GPR143: variants seen among roughly 807,000 people sequenced by gnomAD.
GPR143 encodes G protein-coupled receptor 143.
Under a neutral mutation model 27.6 loss-of-function variants are expected in GPR143, and 8 were observed. The observed-to-expected ratio is 0.29, with a 90% CI of 0.17 to 0.52. The LOEUF is 0.52. Among genes scored for constraint, GPR143 ranks in the 20% least tolerant of loss-of-function variants. The probability of loss-of-function intolerance (pLI) is 0.96; values close to 1 mark genes in which losing one functional copy is unlikely to be tolerated. For synonymous variants in GPR143, 156 were observed against 153.2 expected (o/e 1.02, Z -0.13); for missense variants, 303 against 343.1 (o/e 0.88, Z 0.92).
intron 7 of GPR143, chrX:9,741,018 C>G (rs1044511827): frequency 1.1e-5 from 3 of 271,725 alleles, no homozygotes; most frequent in African/African-American, 8.6e-5. Flanking sequence ...CTATTTTGCT[C>G]ATCCTGTATT....
chrX:9,735,984 G>A (rs1165014334), intron 8 of GPR143, among the ~76,000 whole-genome samples: 1 of 111,707 alleles, frequency 9.0e-6, no homozygotes, highest in Non-Finnish European at 1.9e-5. Flanking sequence ...CCTCTACTTA[G>A]TGAGGGGCTG....
Position 9,728,791 on chromosome X carries a change from C to A in GPR143, c.1121-2951G>T, listed in dbSNP as rs183059005. On this transcript the variant is annotated intron_variant, in intron 8 of 8. Transcript: ENST00000467482. The stretch of plus-strand genomic sequence containing the variant: ...TCATGCCACTGCACTCCAGCCTGGG[C>A]AACAGAGTGAGATCCCACCTCAAAA... Among the ~76,000 whole-genome samples the A allele has an allele frequency of 1.6e-4, 17 of 105,719 alleles. 1 individual carries two copies. The Middle Eastern group carries it at 0.029, about 183-fold the overall frequency. 91.8% of individuals were successfully genotyped at this position (105,719 alleles called of 115,157 possible).
intron 5 of GPR143, 43 bp downstream of exon 5, chrX:9,746,001 G>A (rs777618129): frequency 7.5e-6 from 6 of 802,517 alleles, no homozygotes; most frequent in East Asian, 3.1e-5. Context: ...GCATGGGGCC[G>A]CTCCCAGTGG....
At chrX:9,751,746 C>T (rs1194952474) in intron 3 of GPR143, among the ~76,000 whole-genome samples, 1 of 112,466 alleles carries the variant, frequency 8.9e-6, no homozygotes, top group African/African-American at 3.2e-5. Flanking sequence ...GAACTGCACA[C>T]GTTTAAAGGG....
chrX:9,748,747 C>G (rs9723426), intron 3 of GPR143, 81 bp from the exon 4 acceptor site: 2 of 642,894 alleles, frequency 3.1e-6, no homozygotes, highest in Non-Finnish European at 2.6e-6. Flanking sequence ...CTCCTGCGCT[C>G]TGGAAAGGTC....
chrX:9,778,497 A>C (rs1342009886), intron 1 of GPR143, among the ~76,000 whole-genome samples: 1 of 110,378 alleles, frequency 9.1e-6, no homozygotes, highest in Non-Finnish European at 1.9e-5. Flanking sequence ...GGAAGGAGAA[A>C]AAAGAGAGAG....
Position 9,748,560 on chromosome X carries a change from G to A in GPR143, c.548+14C>T, listed in dbSNP as rs748356068. ...AAGGATGGGGCTGCCTGGGGCGCTG[G>A]AGTCCCAACTTACCTGGACACGGAA... On this transcript the variant is annotated intron_variant, in intron 4 of 8. Coordinates refer to ENST00000467482, the MANE Select transcript of GPR143 (RefSeq NM_000273.3). 1 of 1,127,212 alleles carries A rather than the reference G, an allele frequency of 8.9e-7. No individual in the cohort carries two copies. Among genetic ancestry groups the A allele is most frequent in the Non-Finnish European group, 1.2e-6 (1 of 818,113 alleles). 92.9% of individuals were successfully genotyped at this position (1,127,212 alleles called of 1,213,427 possible). A position where few individuals can be genotyped will look rare whatever the true frequency, so the allele number is the denominator to read the frequency against.
upstream of GPR143, among the ~76,000 whole-genome samples, chrX:9,769,165 A>ATGAGAGGCTGGGCC (rs2083545057): frequency 8.9e-6 from 1 of 111,748 alleles, no homozygotes; most frequent in Non-Finnish European, 1.9e-5. Flanking sequence ...ACATGAAGGT[A>ATGAGAGGCTGGGCC]CATCTGTTTT....
At chrX:9,771,280 C>T (rs139266512) in intron 1 of GPR143, among the ~76,000 whole-genome samples, 50 of 111,020 alleles carry the variant, frequency 4.5e-4, no homozygotes, top group African/African-American at 1.6e-3. Flanking sequence ...AGGCTGGTCT[C>T]GAATTCCTGG....
intron 8 of GPR143, among the ~76,000 whole-genome samples, chrX:9,730,994 A>C (rs2083350803): frequency 8.9e-6 from 1 of 111,893 alleles, no homozygotes; most frequent in Admixed American, 9.5e-5. Flanking sequence ...ATGAATCAGC[A>C]GGGTTCCACT....
In GPR143 at chrX:9,775,224, T is replaced by A. The variant is rs181499791; in HGVS notation, c.-3+11018A>T. ...GTTGTTCGGTATTGACCTGGCTGAA[T>A]GAAACATGAGAGTCTTGGACTGTGT... On this transcript the variant is annotated intron_variant, in intron 1 of 7. Coordinates refer to the GPR143 transcript ENST00000447366. Among the ~76,000 whole-genome samples the A allele has an allele frequency of 1.7e-3, 194 of 111,856 alleles. 2 individuals are homozygous for A. Among genetic ancestry groups the A allele is most frequent in the African/African-American group, 6.1e-3 (187 of 30,767 alleles).
At chrX:9,771,733 G>C (rs1478868857) in intron 1 of GPR143, among the ~76,000 whole-genome samples, 2 of 72,802 alleles carry the variant, frequency 2.7e-5, no homozygotes, top group African/African-American at 1.1e-4. Flanking sequence ...TTTTTGGATG[G>C]AGTCTTGCTC....
chrX:9,741,246 G>C, intron 7 of GPR143, 92 bp downstream of exon 7: 1 of 467,464 alleles, frequency 2.1e-6, no homozygotes, highest in Non-Finnish European at 3.8e-6. Flanking sequence ...TCATGCCACC[G>C]CTTTCCAGCC....
At position 9,739,702 on chromosome X, in the gene GPR143, G is replaced by A; in HGVS notation, c.903C>T (p.Ala301=). ...AGGCCAAAGACAAGAGAAATCCCTGGGCTGGATTCAGGATTCCCTGGAGAG... is the reference window on the plus strand; with the variant it reads ...AGGCCAAAGACAAGAGAAATCCCTGAGCTGGATTCAGGATTCCCTGGAGAG... ...TWFIMGILNP[A]QGFLLSLAFY... is the part of the protein sequence containing the mutation. The change falls in exon 8 of 9, where the codon GCC becomes GCT. Residue 301 remains alanine, a synonymous_variant. Coordinates refer to ENST00000467482, the MANE Select transcript of GPR143 (RefSeq NM_000273.3). The A allele has an allele frequency of 4.3e-6, 5 of 1,168,571 alleles. No homozygotes were observed. The South Asian group carries it at 9.4e-5, about 22-fold the overall frequency.
intron 8 of GPR143, chrX:9,738,664 G>A (rs1248164217): frequency 6.6e-5 from 13 of 196,897 alleles, no homozygotes; most frequent in Non-Finnish European, 9.9e-5. Flanking sequence ...CACTCTTGTT[G>A]CCCCAGCTGG....
chrX:9,748,806 C>A, intron 3 of GPR143, 140 bp from the exon 4 acceptor site: 1 of 488,338 alleles, frequency 2.0e-6, no homozygotes, highest in Non-Finnish European at 3.7e-6. Context: ...TTTCCTCGTG[C>A]TGCTGAGGTT....
chrX:9,771,676 A>G, intron 1 of GPR143, among the ~76,000 whole-genome samples: 1 of 105,809 alleles, frequency 9.5e-6, no homozygotes, highest in South Asian at 4.3e-4. Flanking sequence ...AGTAAAATTG[A>G]TTAGCATCCA....
At chrX:9,757,459 G>A (rs1216263512) in intron 3 of GPR143, among the ~76,000 whole-genome samples, 1 of 112,433 alleles carries the variant, frequency 8.9e-6, no homozygotes, top group Non-Finnish European at 1.9e-5. Flanking sequence ...CGGATAAACC[G>A]TGAAAATGTT....
intron 3 of GPR143, among the ~76,000 whole-genome samples, 195 bp downstream of exon 3, chrX:9,759,137 G>A: frequency 9.0e-6 from 1 of 111,624 alleles, no homozygotes; most frequent in Non-Finnish European, 1.9e-5. Flanking sequence ...ACTGTGCCTG[G>A]CTAATATTTT....
Sources: gnomAD v4.1 joint callset for allele counts (sites outside exome capture counted in the v4.1 genomes callset) on GRCh38, gnomAD v4.1.1 for gene constraint, MANE v1.5 for transcripts, NCBI Gene and HGNC (gene_info 2026-07-23, HGNC 2026-07-21) for gene names.